AGAP9: variants seen among roughly 807,000 people sequenced by gnomAD.
AGAP9 encodes arf-GAP with GTPase, ANK repeat and PH domain-containing protein 9.
In AGAP9, 23 loss-of-function variants were observed where a neutral mutation model predicts 55.6. The ratio of observed to expected loss-of-function variants is 0.41; its 90% CI spans 0.30 to 0.59. The LOEUF (loss-of-function observed/expected upper bound fraction) is 0.59, where lower values mean the gene tolerates loss of function less well. Ranked by LOEUF, AGAP9 falls within the 20% of genes least tolerant of loss-of-function variation. The pLI is 0.25. For synonymous variants in AGAP9, 120 were observed against 305.0 expected (o/e 0.39, Z 6.32); for missense variants, 309 against 808.1 (o/e 0.38, Z 7.49).
Position 47,502,715 on chromosome 10 carries a change from T to C in AGAP9, c.1414A>G (p.Asn472Asp). ...ACACAGTGGGCGTTCCCACGCATGT[T>C]TTGGATCGACTGCAGGGCCATGGCC... ...SEAMALQSIQ[N>D]MRGNAHCVDC... The change falls in exon 8 of 8, where the codon AAC becomes GAC. Residue 472 changes from asparagine to aspartate, a missense_variant. Coordinates refer to ENST00000452145, the MANE Select transcript of AGAP9 (RefSeq NM_001190810.1). 1 of 1,607,630 alleles carries C rather than the reference T, an allele frequency of 6.2e-7. No individual in the cohort carries two copies. Among genetic ancestry groups the C allele is most frequent in the Non-Finnish European group, 8.5e-7 (1 of 1,178,066 alleles).
Position 47,509,053 on chromosome 10 carries a change from A to G in AGAP9, c.497+1118T>C, listed in dbSNP as rs1333411168. ...GAATACACCAAATGATTATTTCTCA[A>G]ACTTGCTGGTGGCAAATTAAAACTT... On this transcript the variant is annotated intron_variant, in intron 5 of 7. Transcript: ENST00000452145. Among the ~76,000 whole-genome samples, 6 of 135,512 alleles carry G rather than the reference A, an allele frequency of 4.4e-5. 1 individual carries two copies. The highest frequency in any genetic ancestry group is 7.7e-5 in the Non-Finnish European group (5 of 65,348). 88.9% of individuals were successfully genotyped at this position (135,512 alleles called of 152,430 possible).
intron 2 of AGAP9, among the ~76,000 whole-genome samples, chr10:47,522,432 C>A (rs1417642687): frequency 6.6e-6 from 1 of 150,412 alleles, no homozygotes; most frequent in Non-Finnish European, 1.5e-5. Context: ...AACCATTTTT[C>A]TGCAGCCCCG....
At chr10:47,504,845 TC>T (rs1198085910) in intron 6 of AGAP9, among the ~76,000 whole-genome samples, 28 of 125,122 alleles carry the variant, frequency 2.2e-4, no homozygotes, top group Admixed American at 1.6e-3. Flanking sequence ...TCATAACTGT[TC>T]TTTTTTTTTT....
intron 4 of AGAP9, among the ~76,000 whole-genome samples, chr10:47,516,742 CA>C (rs1840723357): frequency 7.6e-6 from 1 of 131,984 alleles, no homozygotes; most frequent in South Asian, 2.3e-4. Flanking sequence ...TGTGTTTTTG[CA>C]GATGGAAAAT....
chr10:47,522,259 AC>A (rs1588954661), intron 2 of AGAP9, among the ~76,000 whole-genome samples: 1 of 143,722 alleles, frequency 7.0e-6, no homozygotes, highest in East Asian at 2.6e-4. Flanking sequence ...GAAAGTTTTG[AC>A]CGTGAACCAA....
At chr10:47,522,187 C>T (rs1220329040) in intron 2 of AGAP9, among the ~76,000 whole-genome samples, 1 of 141,482 alleles carries the variant, frequency 7.1e-6, no homozygotes, top group African/African-American at 2.6e-5. Context: ...GGAAGTCTGA[C>T]ATTTTAACCT....
chr10:47,513,660 A>C (rs1840674974), intron 4 of AGAP9, among the ~76,000 whole-genome samples: 1 of 140,390 alleles, frequency 7.1e-6, no homozygotes, highest in Non-Finnish European at 1.6e-5. Context: ...TAGTCGCCAA[A>C]ATAGCACGGT....
At chr10:47,506,409 C>T (rs1840477958) in intron 6 of AGAP9, among the ~76,000 whole-genome samples, 1 of 139,734 alleles carries the variant, frequency 7.2e-6, no homozygotes, top group Non-Finnish European at 1.5e-5. Flanking sequence ...CGGCTCACTG[C>T]AACCTCCACC....
rs1446345866 is a variant in AGAP9, at chr10:47,502,522, C to G, written c.1607G>C (p.Gly536Ala). The change falls in exon 8 of 8, where the codon GGC becomes GCC. Residue 536 changes from glycine to alanine, a missense_variant. Gly to Ala is a moderately conservative substitution (Grantham distance 60, BLOSUM62 0). Coordinates refer to ENST00000452145, the MANE Select transcript of AGAP9 (RefSeq NM_001190810.1). ...CCAGATGCTGTTGGCTAGCTCATTG[C>G]CAATAGATGACATAACCTTCCTGAG... is the stretch of plus-strand genomic sequence containing the variant. ...VELRKVMSSI[G>A]NELANSIWEG... 1 of 1,612,966 alleles carries G rather than the reference C, an allele frequency of 6.2e-7. No individual in the cohort carries two copies. The highest frequency in any genetic ancestry group is 2.2e-5 in the East Asian group (1 of 44,778).
chr10:47,521,752 A>G lies in AGAP9; in HGVS notation c.292+1114T>C, dbSNP rs1375663246. Among the ~76,000 whole-genome samples the G allele has an allele frequency of 9.2e-5, 14 of 151,452 alleles. No individual in the cohort carries two copies. The East Asian group carries it at 2.6e-3, about 28-fold the overall frequency. ...CCGGCTCCCATCCCCTGCCTCTGCC[A>G]ACAGTGTAGAGACTAAAAAACTCCA... is the stretch of plus-strand genomic sequence containing the variant. On this transcript the variant is annotated intron_variant, in intron 2 of 7. Coordinates refer to ENST00000452145, the MANE Select transcript of AGAP9 (RefSeq NM_001190810.1).
In AGAP9 at chr10:47,502,308, C is replaced by A. The variant is rs1181579592; in HGVS notation, c.1821G>T (p.Leu607=). ...DEDLQTAILL[L]AHGSREEVNE... is the part of the protein sequence containing the mutation. Reference sequence around the variant, plus strand: ...TCACCTCCTCACGGGAGCCATGTGCCAGCAGCAGGATGGCTGTCTGCAGGT... The same window carrying A: ...TCACCTCCTCACGGGAGCCATGTGCAAGCAGCAGGATGGCTGTCTGCAGGT... Residue 607 remains leucine, a synonymous_variant, in exon 8 of 8, where the codon CTG becomes CTT. Coordinates refer to ENST00000452145, the MANE Select transcript of AGAP9 (RefSeq NM_001190810.1). The A allele has an allele frequency of 1.2e-6, 2 of 1,602,870 alleles. No homozygotes were observed. Among genetic ancestry groups the A allele is most frequent in the Admixed American group, 3.4e-5 (2 of 58,994 alleles).
At chr10:47,506,743 G>A (rs1180717046) in intron 6 of AGAP9, among the ~76,000 whole-genome samples, 399 of 143,164 alleles carry the variant, frequency 2.8e-3, no homozygotes, top group African/African-American at 9.5e-3. Flanking sequence ...AAGTTCAAGC[G>A]GTTCTCCTGC....
In AGAP9 at chr10:47,515,961, G is replaced by T. The variant is rs1479893569; in HGVS notation, c.396+1862C>A. 3.3e-4 allele frequency among the ~76,000 whole-genome samples: 43 copies of T among 128,542 alleles called. 5 individuals are homozygous for T. Among genetic ancestry groups the T allele is most frequent in the African/African-American group, 1.2e-3 (40 of 33,610 alleles). 84.3% of individuals were successfully genotyped at this position (128,542 alleles called of 152,430 possible). A position where few individuals can be genotyped will look rare whatever the true frequency, so the allele number is the denominator to read the frequency against. ...AAAGAGATCAAAACAATAGAAAAAA[G>T]GAATTGATAGGACCAGTCAAAATCA... On this transcript the variant is annotated intron_variant, in intron 4 of 7. Transcript: ENST00000452145.
At chr10:47,505,374 G>A (rs1468549460) in intron 6 of AGAP9, among the ~76,000 whole-genome samples, 1 of 87,652 alleles carries the variant, frequency 1.1e-5, no homozygotes, top group African/African-American at 4.2e-5. Flanking sequence ...TCCCCTACAG[G>A]TAAAAAACAT....
intron 5 of AGAP9, among the ~76,000 whole-genome samples, chr10:47,509,024 T>C (rs1253084418): frequency 7.4e-6 from 1 of 135,060 alleles, no homozygotes; most frequent in Non-Finnish European, 1.5e-5. Flanking sequence ...ATTTCACCAA[T>C]AGTGAATACA....
rs1840375946 is a variant in AGAP9 at position 47,502,548 on chromosome 10, C to T, written c.1581G>A (p.Glu527=). The T allele has an allele frequency of 1.9e-6, 3 of 1,612,242 alleles. No homozygotes were observed. The Admixed American group carries it at 5.0e-5, about 27-fold the overall frequency. The part of the protein sequence containing the change: ...RSLELDDWPV[E]LRKVMSSIGN... ...CAATAGATGACATAACCTTCCTGAGCTCAACTGGCCAGTCATCCAGCTCCA... is the reference window on the plus strand; with the variant it reads ...CAATAGATGACATAACCTTCCTGAGTTCAACTGGCCAGTCATCCAGCTCCA... The change falls in exon 8 of 8, where the codon GAG becomes GAA. Residue 527 remains glutamate (E), a synonymous_variant. Transcript: ENST00000452145.
In AGAP9 at chr10:47,502,189, G is replaced by A. The variant is rs1840363799; in HGVS notation, c.1940C>T (p.Thr647Met). 24 of 1,541,286 alleles carry A rather than the reference G, an allele frequency of 1.6e-5. 4 individuals carry two copies. Among genetic ancestry groups the A allele is most frequent in the Non-Finnish European group, 2.0e-5 (23 of 1,141,958 alleles). The change falls in exon 8 of 8, where the codon ACG becomes ATG. Residue 647 changes from threonine (T) to methionine (M), a missense_variant. Coordinates refer to ENST00000452145, the MANE Select transcript of AGAP9 (RefSeq NM_001190810.1). ...VVLEQLLTGW[T>M]SWPEMPTGTQ... Reference sequence around the variant, plus strand: ...TCCCGTGGGCATCTCGGGCCATGACGTCCACCCCGTCAGGAGCTGCTCCAG... The same window carrying A: ...TCCCGTGGGCATCTCGGGCCATGACATCCACCCCGTCAGGAGCTGCTCCAG...
At chr10:47,507,890 T>C (rs1840516224) in intron 5 of AGAP9, among the ~76,000 whole-genome samples, 1 of 96,826 alleles carries the variant, frequency 1.0e-5, no homozygotes, top group Non-Finnish European at 2.0e-5. Flanking sequence ...ATGCGATTTA[T>C]TTTATGTATT....
chr10:47,517,294 AC>A (rs2132493946), intron 4 of AGAP9, among the ~76,000 whole-genome samples: 1 of 89,044 alleles, frequency 1.1e-5, no homozygotes, highest in African/African-American at 5.2e-5. Context: ...TTTTTTTGAG[AC>A]AGAGTTTCGC....
Sources: gnomAD v4.1 joint callset for allele counts (sites outside exome capture counted in the v4.1 genomes callset) on GRCh38, gnomAD v4.1.1 for gene constraint, MANE v1.5 for transcripts, NCBI Gene and HGNC (gene_info 2026-07-23, HGNC 2026-07-21) for gene names.